CDH4: variants seen among roughly 807,000 people sequenced by gnomAD.
CDH4 encodes cadherin 4, also known as cadherin-4.
In CDH4, 33 loss-of-function variants were observed where a neutral mutation model predicts 86.0. That is an observed-to-expected ratio of 0.38 (90% CI 0.29 to 0.51). The LOEUF (loss-of-function observed/expected upper bound fraction) is 0.51. Among genes scored for constraint, CDH4 ranks in the 20% least tolerant of loss-of-function variants. CDH4 has a pLI of 0.86. For synonymous variants in CDH4, 555 were observed against 549.4 expected (o/e 1.01, Z -0.14); for missense variants, 1,114 against 1,307.4 (o/e 0.85, Z 2.28).
At chr20:61,418,052 G>GTTAAATGGCAAATGCTGA (rs578258249) in intron 2 of CDH4, among the ~76,000 whole-genome samples, 1 of 152,036 alleles carries the variant, frequency 6.6e-6, no homozygotes, top group Non-Finnish European at 1.5e-5. Context: ...CTCTTTTGCT[G>GTTAAATGGCAAATGCTGA]TTAAATGGCA....
chr20:61,714,695 T>C (rs1639707594), intron 2 of CDH4, among the ~76,000 whole-genome samples: 1 of 152,214 alleles, frequency 6.6e-6, no homozygotes, highest in African/African-American at 2.4e-5. Context: ...TCACTTAGAA[T>C]AATGGCCTCT....
At chr20:61,756,724 C>T (rs908716111) in intron 3 of CDH4, among the ~76,000 whole-genome samples, 1 of 152,098 alleles carries the variant, frequency 6.6e-6, no homozygotes, top group African/African-American at 2.4e-5. Flanking sequence ...TTCCCCAGGG[C>T]TGGCTGGCCA....
chr20:61,373,862 T>C (rs2084853032), intron 2 of CDH4, among the ~76,000 whole-genome samples: 1 of 152,180 alleles, frequency 6.6e-6, no homozygotes. Context: ...AGTAGACATA[T>C]GTGGGTGACT....
At chr20:61,813,823 C>A (rs898075676) in intron 4 of CDH4, among the ~76,000 whole-genome samples, 1 of 152,212 alleles carries the variant, frequency 6.6e-6, no homozygotes, top group African/African-American at 2.4e-5. Context: ...CTCACCAGCC[C>A]TCTCCAGTAT....
intron 2 of CDH4, among the ~76,000 whole-genome samples, chr20:61,286,767 A>C (rs955868073): frequency 1.3e-5 from 2 of 152,220 alleles, no homozygotes; most frequent in African/African-American, 4.8e-5. Flanking sequence ...TTTATGGGCA[A>C]ATTTCAAAGT....
At chr20:61,648,063 G>A (rs943602270) in intron 2 of CDH4, among the ~76,000 whole-genome samples, 2 of 152,202 alleles carry the variant, frequency 1.3e-5, no homozygotes, top group African/African-American at 2.4e-5. Context: ...GCAGGCAGGC[G>A]TGGGCTCCAG....
chr20:61,649,378 G>A lies in CDH4; in HGVS notation c.170-94185G>A, dbSNP rs1036378142. On this transcript the variant is annotated intron_variant, in intron 2 of 15. Transcript: ENST00000614565. ...CCGTGTAGGCCAGGTGTGTGGCATA[G>A]ATCTTCCTCTAAACCCTTTGTACTT... Among the ~76,000 whole-genome samples the A allele has an allele frequency of 2.0e-5, 3 of 152,336 alleles. No individual in the cohort carries two copies. The South Asian group carries it at 6.2e-4, about 32-fold the overall frequency.
chr20:61,421,471 A>G (rs1392502297), intron 2 of CDH4, among the ~76,000 whole-genome samples: 1 of 152,206 alleles, frequency 6.6e-6, no homozygotes, highest in Non-Finnish European at 1.5e-5. Flanking sequence ...CAAAACAGTC[A>G]AACTCATCTC....
At chr20:61,287,577 G>C (rs1600836343) in intron 2 of CDH4, among the ~76,000 whole-genome samples, 4 of 152,310 alleles carry the variant, frequency 2.6e-5, no homozygotes, top group African/African-American at 9.6e-5. Context: ...ATTGACTTCT[G>C]TTCCCTCCCT....
chr20:61,409,007 CTG>C (rs1051676289), intron 2 of CDH4, among the ~76,000 whole-genome samples: 6 of 152,248 alleles, frequency 3.9e-5, no homozygotes, highest in African/African-American at 9.6e-5. Flanking sequence ...GTTCCGGAAA[CTG>C]TGCAGTTTAG....
chr20:61,508,372 C>T (rs1325937751), intron 2 of CDH4, among the ~76,000 whole-genome samples: 2 of 152,238 alleles, frequency 1.3e-5, no homozygotes, highest in East Asian at 1.9e-4. Context: ...CGTGTCTGTG[C>T]ACACTTTCAG....
At chr20:61,680,071 A>G (rs568159668) in intron 2 of CDH4, among the ~76,000 whole-genome samples, 60 of 152,312 alleles carry the variant, frequency 3.9e-4, no homozygotes, top group Admixed American at 3.1e-3. Flanking sequence ...GCAGGAAGCC[A>G]TGGAGGACCC....
rs1378960614 is a variant in CDH4 at position 61,829,718 on chromosome 20, C to G, written c.577-14950C>G. On this transcript the variant is annotated intron_variant, in intron 4 of 15. Coordinates refer to ENST00000614565, the MANE Select transcript of CDH4 (RefSeq NM_001794.5). This position sits in a 1 kb window ranked among gnomAD's most constrained non-coding sequence, Gnocchi z 4.2. ...CAGGAGGCTCCCTCTGTGCCGACGCCCGTGGGCTGCAGACGGGTGGGTGAC... is the reference window on the plus strand; with the variant it reads ...CAGGAGGCTCCCTCTGTGCCGACGCGCGTGGGCTGCAGACGGGTGGGTGAC... 1.3e-5 allele frequency among the ~76,000 whole-genome samples: 2 copies of G among 152,174 alleles called. No homozygotes were observed. The highest frequency in any genetic ancestry group is 2.9e-5 in the Non-Finnish European group (2 of 68,024).
At chr20:61,748,543 A>C (rs1032939895) in intron 3 of CDH4, among the ~76,000 whole-genome samples, 3 of 152,274 alleles carry the variant, frequency 2.0e-5, no homozygotes, top group African/African-American at 7.2e-5. Flanking sequence ...GTGAACACTC[A>C]GAAATGGAGG....
At chr20:61,549,778 A>T (rs373695063) in intron 2 of CDH4, among the ~76,000 whole-genome samples, 4 of 152,250 alleles carry the variant, frequency 2.6e-5, no homozygotes, top group African/African-American at 4.8e-5. Context: ...GAGTCCAGAT[A>T]CATGAGCGCT....
chr20:61,710,820 C>T (rs1383803082), intron 2 of CDH4, among the ~76,000 whole-genome samples: 2 of 152,352 alleles, frequency 1.3e-5, no homozygotes, highest in South Asian at 2.1e-4. Context: ...CAGCCCTGCT[C>T]GAAGTGCCGA....
rs779516532 is a variant in CDH4 at position 61,873,670 on chromosome 20, C to G, written c.878-58C>G. 1.2e-5 allele frequency: 18 copies of G among 1,557,982 alleles called. No individual in the cohort carries two copies. The Middle Eastern group carries it at 7.3e-4, about 63-fold the overall frequency. ...TCGGGGGGCTCTGCCCAGGTGTGTG[C>G]GGGGGTGGCAGCCTGTGTGGCAGGC... On this transcript the variant is annotated intron_variant, in intron 6 of 15. Coordinates refer to ENST00000614565, the MANE Select transcript of CDH4 (RefSeq NM_001794.5).
intron 2 of CDH4, among the ~76,000 whole-genome samples, chr20:61,677,468 G>A (rs1253216911): frequency 6.6e-6 from 1 of 152,146 alleles, no homozygotes; most frequent in Non-Finnish European, 1.5e-5. Context: ...TGTTATAGTT[G>A]GTGTCAATGT....
At chr20:61,570,440 G>C in intron 2 of CDH4, 1 of 538,176 alleles carries the variant, frequency 1.9e-6, no homozygotes, top group Non-Finnish European at 3.3e-6. Flanking sequence ...CCCTGGTGCT[G>C]CCTTGAGCTT....
Sources: allele counts gnomAD v4.1 joint callset (sites outside exome capture counted in the v4.1 genomes callset), GRCh38; gene constraint gnomAD v4.1.1; non-coding constraint Gnocchi (gnomAD v3.1); transcripts MANE v1.5; gene names NCBI Gene and HGNC (gene_info 2026-07-23, HGNC 2026-07-21).